Variants in MRPL15 observed in about 807,000 individuals in gnomAD.
MRPL15 encodes the protein large ribosomal subunit protein uL15m.
In MRPL15, 24 loss-of-function variants were observed where a neutral mutation model predicts 28.0. The observed-to-expected ratio is 0.86, with a 90% CI of 0.62 to 1.21. The LOEUF (loss-of-function observed/expected upper bound fraction) is 1.21. MRPL15 is among the 50% of genes most tolerant of loss of function. The pLI, the probability that MRPL15 is intolerant of heterozygous loss-of-function variation, is 0.00. For synonymous variants in MRPL15, 124 were observed against 137.0 expected (o/e 0.90, Z 0.66); for missense variants, 343 against 372.4 (o/e 0.92, Z 0.65).
chr8:54,137,028 T>G (rs888923582), intron 2 of MRPL15, among the ~76,000 whole-genome samples: 5 of 152,336 alleles, frequency 3.3e-5, no homozygotes, highest in Non-Finnish European at 7.3e-5. Context: ...ACAGATTTAT[T>G]TGTGTAAATA....
intron 3 of MRPL15, among the ~76,000 whole-genome samples, chr8:54,137,985 C>G (rs569174032): frequency 6.6e-6 from 1 of 151,560 alleles, no homozygotes; most frequent in African/African-American, 2.4e-5. Flanking sequence ...GATGGAGTCT[C>G]GCTCTGTTGC....
At chr8:54,144,413 G>C (rs1231204341) in intron 4 of MRPL15, among the ~76,000 whole-genome samples, 2 of 152,148 alleles carry the variant, frequency 1.3e-5, no homozygotes, top group African/African-American at 4.8e-5. Flanking sequence ...TGTGTCATCT[G>C]TATGTAGAGT....
chr8:54,147,774 A>C lies in MRPL15; in HGVS notation c.*55A>C. ...AGAGTACTGGAATAGGGGCTGAAGG[A>C]TCTATATTCCCTTATTGCATTTTCC... On this transcript the variant is annotated 3_prime_UTR_variant, in exon 5 of 5. Coordinates refer to ENST00000260102, the MANE Select transcript of MRPL15 (RefSeq NM_014175.4). 1 of 1,428,040 alleles carries C rather than the reference A, an allele frequency of 7.0e-7. No individual in the cohort carries two copies. Among genetic ancestry groups the C allele is most frequent in the Non-Finnish European group, 9.5e-7 (1 of 1,051,426 alleles). The allele number at this position is 1,428,040 out of a possible 1,614,324, so 88.5% of individuals were successfully genotyped here.
chr8:54,135,803 G>A (rs2375696), intron 1 of MRPL15, among the ~76,000 whole-genome samples: 30,614 of 151,896 alleles, frequency 0.2, 4,282 homozygotes, highest in East Asian at 0.71. Context: ...GATTACAGGC[G>A]TGAGCCACCG....
intron 3 of MRPL15, 102 bp from the exon 4 acceptor site, chr8:54,142,561 A>G: frequency 7.4e-7 from 1 of 1,358,458 alleles, no homozygotes; most frequent in East Asian, 2.4e-5. Context: ...GTTATGTTAT[A>G]GGCACTTTGG....
intron 3 of MRPL15, among the ~76,000 whole-genome samples, chr8:54,141,252 T>C (rs1435255361): frequency 6.6e-6 from 1 of 152,256 alleles, no homozygotes; most frequent in African/African-American, 2.4e-5. Flanking sequence ...TGTGCGTTGG[T>C]ATTTCCATCT....
intron 1 of MRPL15, 135 bp from the exon 2 acceptor site, chr8:54,136,376 G>A (rs1380681490): frequency 3.3e-6 from 3 of 911,184 alleles, no homozygotes; most frequent in Non-Finnish European, 4.9e-6. Flanking sequence ...TGAGCAACTA[G>A]GACATGCTTG....
intron 4 of MRPL15, among the ~76,000 whole-genome samples, chr8:54,144,794 A>C (rs1481836204): frequency 6.6e-6 from 1 of 152,090 alleles, no homozygotes; most frequent in Non-Finnish European, 1.5e-5. Context: ...AAACAAAAAA[A>C]ATTTGCCAAC....
intron 4 of MRPL15, among the ~76,000 whole-genome samples, chr8:54,145,593 C>T (rs552647845): frequency 1.1e-3 from 170 of 152,170 alleles, no homozygotes; most frequent in African/African-American, 3.9e-3. Context: ...GCCACCTAGG[C>T]CCCCTGAGTA....
Position 54,135,390 on chromosome 8 carries a change from C to T in MRPL15, c.107C>T (p.Pro36Leu). ...AAGCCGAATCCCGGCTCCAAGAAAC[C>T]GGTAAATGGGTGGTGGCGGTGCGGG... ...NLKPNPGSKKPERRPRGRRRG... is the reference protein window; with the variant it reads ...NLKPNPGSKKLERRPRGRRRG... The change falls in exon 1 of 5, where the codon CCG (proline) becomes CTG (leucine). Residue 36 changes from proline to leucine, a missense_variant and splice_region_variant. Coordinates refer to ENST00000260102, the MANE Select transcript of MRPL15 (RefSeq NM_014175.4). The T allele has an allele frequency of 2.0e-6, 3 of 1,528,134 alleles. No homozygotes were observed. In the South Asian group the frequency reaches 3.6e-5, roughly 18 times the overall value. The allele number at this position is 1,528,134 out of a possible 1,614,324, so 94.7% of individuals were successfully genotyped here.
Position 54,138,706 on chromosome 8 carries a change from T to C in MRPL15, c.429+1273T>C, listed in dbSNP as rs1810870425. Among the ~76,000 whole-genome samples, 3 of 152,186 alleles carry C rather than the reference T, an allele frequency of 2.0e-5. No homozygotes were observed. The South Asian group carries it at 6.2e-4, about 31-fold the overall frequency. On this transcript the variant is annotated intron_variant, in intron 3 of 4. Coordinates refer to ENST00000260102, the MANE Select transcript of MRPL15 (RefSeq NM_014175.4). ...TTTCCTTTACTCTGCCCAAAGTATT[T>C]TTCTTTGAATATATATGAGCACTTG...
chr8:54,135,374 C>T lies in MRPL15; in HGVS notation c.91C>T (p.Pro31Ser). Residue 31 changes from proline to serine, a missense_variant, in exon 1 of 5, where the codon CCC becomes TCC. Pro to Ser is a moderately conservative substitution (Grantham distance 74). Coordinates refer to ENST00000260102, the MANE Select transcript of MRPL15 (RefSeq NM_014175.4). ...RVSLANLKPN[P>S]GSKKPERRPR... ...GAGCCTGGCCAACTTAAAGCCGAAT[C>T]CCGGCTCCAAGAAACCGGTAAATGG... 1 of 1,528,174 alleles carries T rather than the reference C, an allele frequency of 6.5e-7. No individual in the cohort carries two copies. Among genetic ancestry groups the T allele is most frequent in the African/African-American group, 1.4e-5 (1 of 70,756 alleles). 94.7% of individuals were successfully genotyped at this position (1,528,174 alleles called of 1,614,324 possible).
intron 4 of MRPL15, among the ~76,000 whole-genome samples, chr8:54,143,083 CTCTCTTTTT>C (rs1810957475): frequency 6.6e-6 from 1 of 151,914 alleles, no homozygotes; most frequent in East Asian, 1.9e-4. Flanking sequence ...TGTCTCTTTT[CTCTCTTTTT>C]TTTTTTAAGA....
At chr8:54,140,111 G>A (rs1810893726) in intron 3 of MRPL15, among the ~76,000 whole-genome samples, 1 of 152,184 alleles carries the variant, frequency 6.6e-6, no homozygotes, top group East Asian at 1.9e-4. Context: ...CTTCATGAAA[G>A]CTTTCTATTG....
intron 1 of MRPL15, 123 bp from the exon 2 acceptor site, chr8:54,136,386 GAC>G: frequency 9.8e-7 from 1 of 1,024,572 alleles, no homozygotes; most frequent in Non-Finnish European, 1.4e-6. Flanking sequence ...GGACATGCTT[GAC>G]ACAATAGTGT....
At position 54,136,498 on chromosome 8, in the gene MRPL15, T is replaced by C; in HGVS notation, c.109-13T>C. 6.3e-7 allele frequency: 1 copy of C among 1,581,092 alleles called. No individual in the cohort carries two copies. The highest frequency in any genetic ancestry group is 1.2e-5 in the South Asian group (1 of 86,790). The stretch of plus-strand genomic sequence containing the variant: ...GCATCTGAAATTCATAAAATTCTTT[T>C]TTTTCCTTGCAGGAGAGAAGACCAA... On this transcript the variant is annotated splice_polypyrimidine_tract_variant and intron_variant, in intron 1 of 4. Transcript: ENST00000260102.
At chr8:54,141,481 G>C (rs937917021) in intron 3 of MRPL15, among the ~76,000 whole-genome samples, 2 of 152,168 alleles carry the variant, frequency 1.3e-5, no homozygotes, top group African/African-American at 2.4e-5. Flanking sequence ...AAATGGAAAT[G>C]TAGTCAGTCT....
At position 54,143,183 on chromosome 8, in the gene MRPL15, C is replaced by A. The variant is rs571428507; in HGVS notation, c.553+397C>A. Among the ~76,000 whole-genome samples, 5 of 152,132 alleles carry A rather than the reference C, an allele frequency of 3.3e-5. No homozygotes were observed. In the South Asian group the frequency reaches 1.0e-3, roughly 32 times the overall value. On this transcript the variant is annotated intron_variant, in intron 4 of 4. Transcript: ENST00000260102. ...GCAACTTCTGCCTCCCAGGTTCAAG[C>A]GATTCTCCTGTCTCAGTCACCGGAG...
At chr8:54,137,730 CT>C (rs1167286153) in intron 3 of MRPL15, among the ~76,000 whole-genome samples, 1 of 152,092 alleles carries the variant, frequency 6.6e-6, no homozygotes, top group Admixed American at 6.6e-5. Flanking sequence ...TCCCAAAGTG[CT>C]GGAATTACAG....
Sources: allele counts gnomAD v4.1 joint callset (sites outside exome capture counted in the v4.1 genomes callset), GRCh38; gene constraint gnomAD v4.1.1; transcripts MANE v1.5; gene names NCBI Gene and HGNC (gene_info 2026-07-23, HGNC 2026-07-21).